Variants in ST8SIA6 observed in about 807,000 individuals in gnomAD.
ST8SIA6 encodes alpha-2,8-sialyltransferase 8F.
A neutral mutation model predicts 33.6 loss-of-function variants in ST8SIA6; 39 were observed. That is an observed-to-expected ratio of 1.16 (90% CI 0.90 to 1.52). ST8SIA6 has a LOEUF of 1.52. Among genes scored for constraint, ST8SIA6 ranks in the 40% most tolerant of loss-of-function variants. ST8SIA6 has a pLI of 0.00. For missense variants in ST8SIA6, 441 were observed against 443.8 expected (o/e 0.99, Z 0.06); for synonymous variants, 172 against 167.2 (o/e 1.03, Z -0.22).
At chr10:17,418,723 T>C (rs1851677487) in intron 2 of ST8SIA6, among the ~76,000 whole-genome samples, 1 of 152,210 alleles carries the variant, frequency 6.6e-6, no homozygotes, top group African/African-American at 2.4e-5. Context: ...CTGGGCGCGA[T>C]GGCTCATGCC....
At chr10:17,428,469 C>T (rs1329416483) in intron 2 of ST8SIA6, among the ~76,000 whole-genome samples, 1 of 152,028 alleles carries the variant, frequency 6.6e-6, no homozygotes, top group Non-Finnish European at 1.5e-5. Flanking sequence ...TCTCAATCTA[C>T]CCTAGAAGTG....
rs1422152085 is a variant in ST8SIA6 at position 17,331,326 on chromosome 10, A to T, written c.522+82T>A. 16 of 1,473,076 alleles carry T rather than the reference A, an allele frequency of 1.1e-5. No homozygotes were observed. The East Asian group carries it at 3.7e-4, about 34-fold the overall frequency. 91.3% of individuals were successfully genotyped at this position (1,473,076 alleles called of 1,614,324 possible). On this transcript the variant is annotated intron_variant, in intron 5 of 7. Coordinates refer to ENST00000377602, the MANE Select transcript of ST8SIA6 (RefSeq NM_001004470.3). ...ATATGGTATTTTAATTGAGTCCATC[A>T]TAATTGTAAGTTACAGCTTAAAGTA...
At chr10:17,434,828 G>C (rs926795982) in intron 2 of ST8SIA6, among the ~76,000 whole-genome samples, 1 of 152,168 alleles carries the variant, frequency 6.6e-6, no homozygotes, top group Non-Finnish European at 1.5e-5. Flanking sequence ...ATGTTCACTG[G>C]CATGGTTTAT....
At chr10:17,332,821 T>C (rs1031436896) in intron 4 of ST8SIA6, among the ~76,000 whole-genome samples, 1 of 152,228 alleles carries the variant, frequency 6.6e-6, no homozygotes, top group African/African-American at 2.4e-5. Flanking sequence ...TCAGTGATGA[T>C]GAGCTTTTTT....
chr10:17,454,194 C>CGCAGCAGCA lies in ST8SIA6; in HGVS notation c.53_61dup (p.Leu18_Leu20dup), dbSNP rs756965327. 1.1e-5 allele frequency: 3 copies of CGCAGCAGCA among 280,682 alleles called. No homozygotes were observed. The highest frequency in any genetic ancestry group is 2.3e-5 in the African/African-American group (1 of 44,380). The allele number at this position is 280,682 out of a possible 1,614,324, so 17.4% of individuals were successfully genotyped here. ...CGCGTCTGCCGGGCACCAGAGCAGG[C>CGCAGCAGCA]GCAGCAGCAGCAGCAGCAGCAGGCT... On this transcript the variant is annotated inframe_insertion, in exon 1 of 8. Transcript: ENST00000377602. The surrounding 1 kb of genome is among the most constrained non-coding windows in gnomAD (Gnocchi z 4.1).
chr10:17,362,743 G>A (rs1274147029), intron 3 of ST8SIA6, among the ~76,000 whole-genome samples: 18 of 151,970 alleles, frequency 1.2e-4, no homozygotes, highest in African/African-American at 3.9e-4. Context: ...ATGGAGTCTC[G>A]CTTTGTTGCC....
chr10:17,340,322 C>T (rs1395060586), intron 4 of ST8SIA6, among the ~76,000 whole-genome samples: 3 of 149,806 alleles, frequency 2.0e-5, no homozygotes, highest in Non-Finnish European at 2.9e-5. Context: ...CACCCCTGGT[C>T]ACCTGCTCCA....
intron 2 of ST8SIA6, among the ~76,000 whole-genome samples, chr10:17,405,313 G>A (rs1851215492): frequency 6.6e-6 from 1 of 151,984 alleles, no homozygotes; most frequent in South Asian, 2.1e-4. Context: ...CAAGCCTGCA[G>A]TGAGCCACGA....
chr10:17,452,787 G>C (rs542696837), intron 2 of ST8SIA6, among the ~76,000 whole-genome samples: 2 of 152,236 alleles, frequency 1.3e-5, no homozygotes, highest in East Asian at 3.9e-4. Flanking sequence ...TGTTTTTGTG[G>C]GGGGAGGGGA....
At position 17,369,993 on chromosome 10, in the gene ST8SIA6, CTT is replaced by C. The variant is rs34231362; in HGVS notation, c.291-10395_291-10394del. Among the ~76,000 whole-genome samples the C allele has an allele frequency of 6.1e-4, 87 of 142,352 alleles. 1 individual carries two copies. Among genetic ancestry groups the C allele is most frequent in the Admixed American group, 1.8e-3 (25 of 14,212 alleles). The allele number at this position is 142,352 out of a possible 152,430, so 93.4% of individuals were successfully genotyped here. ...TTTAATTCAGTGTGACAATCACTGA[CTT>C]TTTTTTTTTTTTTGGAGACGGAGTC... On this transcript the variant is annotated intron_variant, in intron 3 of 7. Coordinates refer to ENST00000377602, the MANE Select transcript of ST8SIA6 (RefSeq NM_001004470.3).
At chr10:17,433,692 A>G (rs528645511) in intron 2 of ST8SIA6, among the ~76,000 whole-genome samples, 1 of 152,284 alleles carries the variant, frequency 6.6e-6, no homozygotes, top group South Asian at 2.1e-4. Flanking sequence ...TGGCTTGAAT[A>G]TCAGCTCTGC....
At chr10:17,401,802 A>G (rs76227607) in intron 2 of ST8SIA6, among the ~76,000 whole-genome samples, 6,804 of 152,320 alleles carry the variant, frequency 0.045, 209 homozygotes, top group Non-Finnish European at 0.061. Context: ...AGAGACTTCA[A>G]TGTTAGACCT....
chr10:17,320,896 G>A lies in ST8SIA6; in HGVS notation c.1179C>T (p.Ser393=). The part of the protein sequence containing the change: ...HMKGILKLQF[S]KCEVA ...ACTTTGTTTAGGCGACTTCACATTT[G>A]CTAAATTGCAGTTTGAGGATTCCTT... Residue 393 remains serine, a synonymous_variant, in exon 8 of 8, where the codon AGC becomes AGT. Transcript: ENST00000377602. The A allele has an allele frequency of 6.2e-7, 1 of 1,613,898 alleles. No homozygotes were observed. The highest frequency in any genetic ancestry group is 1.7e-5 in the Admixed American group (1 of 59,996).
intron 4 of ST8SIA6, among the ~76,000 whole-genome samples, chr10:17,354,083 A>G (rs368986910): frequency 6.6e-6 from 1 of 152,174 alleles, no homozygotes; most frequent in Admixed American, 6.6e-5. Context: ...CAAGTTACCT[A>G]GGGAATCTAA....
rs1848007443 is a variant in ST8SIA6, at chr10:17,323,066, T to A, written c.727A>T (p.Lys243Ter). ...GTTATGTAACTTGCAGCTACTTACT[T>A]CAGAGTTATGATGCTTGGATTTATA... The part of the protein sequence containing the change: ...VTINPSIITL[K>*]YGNLKEKKAL... Residue 243 changes from lysine (K) to a stop codon, truncating the protein, a stop_gained and splice_region_variant, in exon 7 of 8, where the codon AAA (lysine) becomes TAA (stop). Coordinates refer to ENST00000377602, the MANE Select transcript of ST8SIA6 (RefSeq NM_001004470.3). LOFTEE classifies it low-confidence loss of function (END_TRUNC). 5 of 1,610,714 alleles carry A rather than the reference T, an allele frequency of 3.1e-6. No homozygotes were observed. The highest frequency in any genetic ancestry group is 4.2e-6 in the Non-Finnish European group (5 of 1,177,998).
At chr10:17,449,114 A>G (rs1852825414) in intron 2 of ST8SIA6, among the ~76,000 whole-genome samples, 1 of 151,926 alleles carries the variant, frequency 6.6e-6, no homozygotes, top group African/African-American at 2.4e-5. Context: ...TGAAGAAATG[A>G]GTCCAAAGCT....
At chr10:17,327,620 C>A (rs1588783024) in intron 5 of ST8SIA6, among the ~76,000 whole-genome samples, 1 of 148,158 alleles carries the variant, frequency 6.7e-6, no homozygotes, top group East Asian at 2.0e-4. Flanking sequence ...CAACAAAAAA[C>A]CAGCCAGGTG....
intron 5 of ST8SIA6, among the ~76,000 whole-genome samples, chr10:17,328,821 C>T (rs1044032628): frequency 7.9e-5 from 12 of 152,240 alleles, no homozygotes; most frequent in Non-Finnish European, 1.6e-4. Flanking sequence ...CGAACCTGAC[C>T]CTGGCCTGTA....
At chr10:17,376,520 A>G (rs1227175891) in intron 3 of ST8SIA6, among the ~76,000 whole-genome samples, 3 of 152,204 alleles carry the variant, frequency 2.0e-5, no homozygotes, top group Non-Finnish European at 4.4e-5. Flanking sequence ...ACAGAAGCAG[A>G]AAAACCCAAG....
Sources: allele counts gnomAD v4.1 joint callset (sites outside exome capture counted in the v4.1 genomes callset), GRCh38; gene constraint gnomAD v4.1.1; non-coding constraint Gnocchi (gnomAD v3.1); transcripts MANE v1.5; gene names NCBI Gene and HGNC (gene_info 2026-07-23, HGNC 2026-07-21).